ANK3: variants seen among roughly 807,000 people sequenced by gnomAD.
The protein encoded by ANK3 is ankyrin 3, also known as ankyrin-3.
A neutral mutation model predicts 370.9 loss-of-function variants in ANK3; 57 were observed. The ratio of observed to expected loss-of-function variants is 0.15; its 90% CI spans 0.12 to 0.19. ANK3 has a LOEUF of 0.19. Ranked by LOEUF, ANK3 falls within the 10% of genes least tolerant of loss-of-function variation. The pLI is 1.00. For synonymous variants in ANK3, 1,929 were observed against 1,946.3 expected (o/e 0.99, Z 0.23); for missense variants, 4,439 against 5,302.1 (o/e 0.84, Z 5.06).
At chr10:60,608,126 C>A (rs905517332) in intron 2 of ANK3, among the ~76,000 whole-genome samples, 1 of 152,122 alleles carries the variant, frequency 6.6e-6, no homozygotes, top group African/African-American at 2.4e-5. Flanking sequence ...AACCTCTGCT[C>A]CCCCATCCAT....
In ANK3 at chr10:60,172,941, C is replaced by T. The variant is rs745992707; in HGVS notation, c.2341G>A (p.Val781Ile). The change falls in exon 20 of 44, where the codon GTC (valine) becomes ATC (isoleucine). Residue 781 changes from valine (V) to isoleucine (I), a missense_variant. Transcript: ENST00000280772. ...GGGGAGGCGTTGTTCTGAAGTAAGA[C>T]ATTTATTATATGCGTATGCCCCTGC... is the stretch of plus-strand genomic sequence containing the variant. Reference protein sequence around the residue: ...AQQGHTHIINVLLQNNASPNE... With the variant: ...AQQGHTHIINILLQNNASPNE... 10 of 1,614,036 alleles carry T rather than the reference C, an allele frequency of 6.2e-6. No individual in the cohort carries two copies. The highest frequency in any genetic ancestry group is 8.5e-6 in the Non-Finnish European group (10 of 1,179,954).
chr10:60,312,953 C>G (rs1348122467), intron 1 of ANK3, among the ~76,000 whole-genome samples: 9 of 152,138 alleles, frequency 5.9e-5, no homozygotes, highest in Non-Finnish European at 1.2e-4. Context: ...TGATTGAGAG[C>G]CATCAAGAGG....
rs972404 is a variant in ANK3, at chr10:60,336,093, G to T, written c.114+53332C>A. On this transcript the variant is annotated intron_variant, in intron 1 of 43. Coordinates refer to ENST00000280772, the MANE Select transcript of ANK3 (RefSeq NM_020987.5). ...GAGGATTTTTAACATAGTTTGGCGG[G>T]GGGGGGAAGCTGGTGCCAAGGAGCA... is the stretch of plus-strand genomic sequence containing the variant. Among the ~76,000 whole-genome samples, 112 of 149,788 alleles carry T rather than the reference G, an allele frequency of 7.5e-4. 2 individuals are homozygous for T. Among genetic ancestry groups the T allele is most frequent in the African/African-American group, 2.4e-3 (94 of 39,328 alleles).
At chr10:60,035,612 T>C (rs777380944) in intron 43 of ANK3, among the ~76,000 whole-genome samples, 1 of 151,930 alleles carries the variant, frequency 6.6e-6, no homozygotes, top group East Asian at 1.9e-4. Flanking sequence ...TAATATATAG[T>C]GGAGCCAGAA....
chr10:60,080,429 T>G (rs2084917064), intron 36 of ANK3, 108 bp downstream of exon 36: 4 of 951,436 alleles, frequency 4.2e-6, no homozygotes, highest in Non-Finnish European at 3.2e-6. Flanking sequence ...CTGCAGGCAA[T>G]TTTTCTTTTG....
chr10:60,587,467 T>G (rs2077848341), intron 2 of ANK3, among the ~76,000 whole-genome samples: 1 of 152,106 alleles, frequency 6.6e-6, no homozygotes, highest in African/African-American at 2.4e-5. Flanking sequence ...AAAAACCTTG[T>G]AGAAATGGCT....
chr10:60,369,596 C>T lies in ANK3; in HGVS notation c.114+19829G>A, dbSNP rs531612983. ...ACAGATACAACAAGACACAATTATTCTTATTATAAAAAGATTTCTTTACAT... is the reference window on the plus strand; with the variant it reads ...ACAGATACAACAAGACACAATTATTTTTATTATAAAAAGATTTCTTTACAT... On this transcript the variant is annotated intron_variant, in intron 1 of 43. Transcript: ENST00000280772. Among the ~76,000 whole-genome samples the T allele has an allele frequency of 2.0e-5, 3 of 152,220 alleles. No homozygotes were observed. The South Asian group carries it at 6.2e-4, about 32-fold the overall frequency.
chr10:60,438,298 G>A (rs2064208999), intron 2 of ANK3, among the ~76,000 whole-genome samples: 2 of 151,968 alleles, frequency 1.3e-5, no homozygotes, highest in African/African-American at 4.8e-5. Flanking sequence ...AGGCTTGGAT[G>A]GCCAGGACAG....
chr10:60,225,455 G>A (rs1450356891), intron 8 of ANK3, among the ~76,000 whole-genome samples: 1 of 152,030 alleles, frequency 6.6e-6, no homozygotes, highest in Non-Finnish European at 1.5e-5. Context: ...ACCTACTCAA[G>A]GTCACATGGC....
intron 2 of ANK3, among the ~76,000 whole-genome samples, chr10:60,446,259 C>A (rs759393909): frequency 6.6e-6 from 1 of 152,142 alleles, no homozygotes; most frequent in Non-Finnish European, 1.5e-5. Flanking sequence ...ATACCTCCTC[C>A]GTCACATTGG....
chr10:60,694,050 T>G lies in ANK3; in HGVS notation c.57+39213A>C, dbSNP rs531346207. Among the ~76,000 whole-genome samples the G allele has an allele frequency of 2.9e-3, 438 of 152,048 alleles. 3 individuals are homozygous for G. The highest frequency in any genetic ancestry group is 0.01 in the African/African-American group (417 of 41,450). On this transcript the variant is annotated intron_variant, in intron 1 of 43. Coordinates refer to the ANK3 transcript ENST00000373827. ...TAGAATAACCAATACAGAGAAGTGC[T>G]TAAAGGAGCTGATGGAGCTGAAAAC...
intron 1 of ANK3, among the ~76,000 whole-genome samples, chr10:60,353,472 A>G (rs868124071): frequency 6.6e-6 from 1 of 152,010 alleles, no homozygotes; most frequent in Non-Finnish European, 1.5e-5. Flanking sequence ...TTCTCATACT[A>G]TTTACTGCCT....
chr10:60,706,558 C>G (rs1445108440), intron 1 of ANK3, among the ~76,000 whole-genome samples: 1 of 152,156 alleles, frequency 6.6e-6, no homozygotes, highest in Non-Finnish European at 1.5e-5. Flanking sequence ...GCAGAAGCCC[C>G]TCTCAGGTGT....
chr10:60,564,879 C>A (rs376824838), intron 2 of ANK3, among the ~76,000 whole-genome samples: 14 of 152,186 alleles, frequency 9.2e-5, no homozygotes, highest in African/African-American at 2.9e-4. Flanking sequence ...AGTGAAAATC[C>A]TTTTTCTGAC....
chr10:60,400,553 G>A (rs2063332632), intron 2 of ANK3, among the ~76,000 whole-genome samples: 2 of 151,910 alleles, frequency 1.3e-5, no homozygotes, highest in Admixed American at 1.3e-4. Flanking sequence ...GGGATAAGCA[G>A]ATCATTCCAA....
At chr10:60,601,561 A>C (rs1422485636) in intron 2 of ANK3, among the ~76,000 whole-genome samples, 1 of 152,138 alleles carries the variant, frequency 6.6e-6, no homozygotes, top group Non-Finnish European at 1.5e-5. Context: ...AAGACCGTCA[A>C]GGTCATCAAA....
At chr10:60,575,575 T>C (rs2077672890) in intron 2 of ANK3, among the ~76,000 whole-genome samples, 1 of 152,180 alleles carries the variant, frequency 6.6e-6, no homozygotes, top group Non-Finnish European at 1.5e-5. Flanking sequence ...ATAATAAAAC[T>C]ATGTGGCATA....
intron 2 of ANK3, among the ~76,000 whole-genome samples, chr10:60,567,331 C>G (rs1424651724): frequency 1.3e-5 from 2 of 152,088 alleles, no homozygotes; most frequent in Non-Finnish European, 2.9e-5. Context: ...TCCTAGAGTC[C>G]TTAAGAATTA....
intron 1 of ANK3, among the ~76,000 whole-genome samples, chr10:60,381,082 T>C (rs10821746): frequency 0.61 from 92,154 of 151,980 alleles, 28,278 homozygotes; most frequent in South Asian, 0.75. Context: ...GCCTCTATCA[T>C]GGACACTGCC....
Sources: allele counts gnomAD v4.1 joint callset (sites outside exome capture counted in the v4.1 genomes callset), GRCh38; gene constraint gnomAD v4.1.1; transcripts MANE v1.5; gene names NCBI Gene and HGNC (gene_info 2026-07-23, HGNC 2026-07-21).